Variants in DEPTOR observed in about 807,000 individuals in gnomAD.
The protein encoded by DEPTOR is DEP domain containing MTOR interacting protein, also known as DEP domain-containing mTOR-interacting protein.
A neutral mutation model predicts 41.6 loss-of-function variants in DEPTOR; 41 were observed. The observed-to-expected ratio is 0.98, with a 90% CI of 0.77 to 1.28. The LOEUF is 1.28. Among genes scored for constraint, DEPTOR ranks in the 50% most tolerant of loss-of-function variants. DEPTOR has a pLI of 0.00. For synonymous variants in DEPTOR, 195 were observed against 192.3 expected (o/e 1.01, Z -0.12); for missense variants, 514 against 527.9 (o/e 0.97, Z 0.26).
chr8:120,047,554 G>A (rs951436735), intron 8 of DEPTOR, among the ~76,000 whole-genome samples: 3 of 151,550 alleles, frequency 2.0e-5, no homozygotes, highest in Non-Finnish European at 4.4e-5. Context: ...ATTTTTAGTA[G>A]AGACGGGGTT....
At chr8:119,883,443 C>G (rs1586596680) in intron 1 of DEPTOR, among the ~76,000 whole-genome samples, 1 of 145,170 alleles carries the variant, frequency 6.9e-6, no homozygotes, top group African/African-American at 2.6e-5. Flanking sequence ...CCACTGCACT[C>G]CAGCCTGGGC....
At chr8:119,998,960 A>C (rs941654834) in intron 4 of DEPTOR, among the ~76,000 whole-genome samples, 3 of 142,044 alleles carry the variant, frequency 2.1e-5, no homozygotes, top group African/African-American at 7.6e-5. Context: ...AAAAAAAAAA[A>C]AGAAGAAGAA....
At chr8:119,997,330 G>A (rs1812281509) in intron 4 of DEPTOR, among the ~76,000 whole-genome samples, 1 of 152,034 alleles carries the variant, frequency 6.6e-6, no homozygotes, top group Non-Finnish European at 1.5e-5. Flanking sequence ...AACCTCCTGG[G>A]ATCAAGCGAT....
chr8:119,991,397 C>A (rs889169143), intron 4 of DEPTOR, among the ~76,000 whole-genome samples: 1 of 152,022 alleles, frequency 6.6e-6, no homozygotes, highest in Admixed American at 6.6e-5. Flanking sequence ...CTCACTGCAA[C>A]CTCCTCCTCC....
At chr8:120,022,739 T>C (rs965621821) in intron 8 of DEPTOR, among the ~76,000 whole-genome samples, 1 of 152,044 alleles carries the variant, frequency 6.6e-6, no homozygotes, top group African/African-American at 2.4e-5. Context: ...TCTCCCTATG[T>C]TGCCCAGGCT....
At chr8:119,992,730 C>T (rs1812190910) in intron 4 of DEPTOR, among the ~76,000 whole-genome samples, 1 of 148,528 alleles carries the variant, frequency 6.7e-6, no homozygotes, top group Non-Finnish European at 1.5e-5. Flanking sequence ...GATCTTGGCT[C>T]ACTACAACCT....
chr8:119,901,226 A>G (rs1382405842), intron 1 of DEPTOR, among the ~76,000 whole-genome samples: 1 of 152,150 alleles, frequency 6.6e-6, no homozygotes, highest in Admixed American at 6.5e-5. Flanking sequence ...TGGTCTTTTT[A>G]TGTTTCAGTC....
At chr8:119,901,530 G>T (rs974107593) in intron 1 of DEPTOR, among the ~76,000 whole-genome samples, 4 of 152,060 alleles carry the variant, frequency 2.6e-5, no homozygotes, top group African/African-American at 7.2e-5. Flanking sequence ...CAAAAAATTA[G>T]CTGTGTGTGG....
chr8:119,925,313 A>C (rs138037338), intron 1 of DEPTOR, among the ~76,000 whole-genome samples: 274 of 151,586 alleles, frequency 1.8e-3, no homozygotes, highest in African/African-American at 6.2e-3. Flanking sequence ...TTACTTGAAC[A>C]TGGGAGGTGG....
chr8:119,999,194 G>A (rs569549220), intron 4 of DEPTOR, among the ~76,000 whole-genome samples: 157 of 151,506 alleles, frequency 1.0e-3, no homozygotes, highest in African/African-American at 3.6e-3. Flanking sequence ...GCTTGAACCC[G>A]AGACTCGGTG....
At chr8:119,916,406 C>G (rs1827816437) in intron 1 of DEPTOR, among the ~76,000 whole-genome samples, 1 of 151,716 alleles carries the variant, frequency 6.6e-6, no homozygotes, top group Non-Finnish European at 1.5e-5. Flanking sequence ...CAGGCACGAG[C>G]CACGGTGCCC....
chr8:119,929,435 C>A (rs1187293869), intron 2 of DEPTOR, among the ~76,000 whole-genome samples: 1 of 152,070 alleles, frequency 6.6e-6, no homozygotes, highest in East Asian at 1.9e-4. Flanking sequence ...CACCATATTT[C>A]AATTACAGTT....
intron 1 of DEPTOR, among the ~76,000 whole-genome samples, chr8:119,902,655 A>G (rs1827610203): frequency 6.6e-6 from 1 of 151,878 alleles, no homozygotes; most frequent in African/African-American, 2.4e-5. Flanking sequence ...GGATTTTTTG[A>G]CTCCAAGTTT....
At chr8:120,039,159 C>T (rs898727873) in intron 8 of DEPTOR, among the ~76,000 whole-genome samples, 5 of 152,136 alleles carry the variant, frequency 3.3e-5, no homozygotes, top group African/African-American at 1.2e-4. Context: ...GATTAGTGCC[C>T]TTATGAAAGT....
At chr8:120,016,271 G>A (rs1297172456) in intron 8 of DEPTOR, among the ~76,000 whole-genome samples, 1 of 151,932 alleles carries the variant, frequency 6.6e-6, no homozygotes, top group Non-Finnish European at 1.5e-5. Context: ...TCACACTGGG[G>A]GTTAGAATTT....
chr8:119,883,486 AAAAAAAAAAAG>A (rs1219022919), intron 1 of DEPTOR, among the ~76,000 whole-genome samples: 2,709 of 151,310 alleles, frequency 0.018, 86 homozygotes, highest in African/African-American at 0.061. Context: ...AAAAAAAAAA[AAAAAAAAAAAG>A]AAGGATATGC....
chr8:120,027,833 C>G (rs1812822011), intron 8 of DEPTOR, among the ~76,000 whole-genome samples: 1 of 151,972 alleles, frequency 6.6e-6, no homozygotes, highest in African/African-American at 2.4e-5. Context: ...GAGTGAATGC[C>G]CAGACTAGAT....
Position 119,986,050 on chromosome 8 carries a change from G to T in DEPTOR, c.605-15475G>T, listed in dbSNP as rs182778891. Among the ~76,000 whole-genome samples, 684 of 152,036 alleles carry T rather than the reference G, an allele frequency of 4.5e-3. 10 individuals carry two copies. The highest frequency in any genetic ancestry group is 3.2e-3 in the Non-Finnish European group (215 of 67,992). On this transcript the variant is annotated intron_variant, in intron 4 of 8. Coordinates refer to ENST00000286234, the MANE Select transcript of DEPTOR (RefSeq NM_022783.4). ...ACATTTAAGGTTAATATTGTTATGT[G>T]TGAATTTGATCCTGTCATTATGATG...
intron 1 of DEPTOR, among the ~76,000 whole-genome samples, chr8:119,889,686 CAGGGGAGAGGAGTGGAGAA>C (rs1827426929): frequency 1.8e-5 from 1 of 54,558 alleles, no homozygotes; most frequent in Non-Finnish European, 4.0e-5. Context: ...GAGGGGAGGA[CAGGGGAGAGGAGTGGAGAA>C]GGGAAAGCAG....
Sources: gnomAD v4.1 joint callset for allele counts (sites outside exome capture counted in the v4.1 genomes callset) on GRCh38, gnomAD v4.1.1 for gene constraint, MANE v1.5 for transcripts, NCBI Gene and HGNC (gene_info 2026-07-23, HGNC 2026-07-21) for gene names.